The following APPL2 variants were observed in gnomAD, a reference collection of about 807,000 sequenced individuals.
APPL2 encodes the protein DCC-interacting protein 13-beta.
In APPL2, 84 loss-of-function variants were observed where a neutral mutation model predicts 92.7. That is an observed-to-expected ratio of 0.91 (90% CI 0.76 to 1.09). The LOEUF (loss-of-function observed/expected upper bound fraction) is 1.09, where lower values mean the gene tolerates loss of function less well. Among genes scored for constraint, APPL2 ranks in the 50% least tolerant of loss-of-function variants. APPL2 has a pLI of 0.00. For synonymous variants in APPL2, 291 were observed against 291.0 expected (o/e 1.00, Z 0.00); for missense variants, 736 against 824.5 (o/e 0.89, Z 1.31).
chr12:105,227,149 CTA>C (rs1890573864), intron 2 of APPL2, among the ~76,000 whole-genome samples: 1 of 151,428 alleles, frequency 6.6e-6, no homozygotes, highest in South Asian at 2.1e-4. Context: ...AAAAAAGACT[CTA>C]GTCCTTTTTT....
rs187430785 is a variant in APPL2 at position 105,174,078 on chromosome 12, C to G, written c.*236G>C. On this transcript the variant is annotated 3_prime_UTR_variant, in exon 21 of 21. Coordinates refer to ENST00000258530, the MANE Select transcript of APPL2 (RefSeq NM_018171.5). ...ACAATCTAAGAAATTTTAGCGCAAT[C>G]TAAGAAAAAAGACTTACCACAAAGC... 8.1e-4 allele frequency: 329 copies of G among 407,802 alleles called. No individual in the cohort carries two copies. Among genetic ancestry groups the G allele is most frequent in the Admixed American group, 1.3e-3 (28 of 22,190 alleles). 25.3% of individuals were successfully genotyped at this position (407,802 alleles called of 1,614,324 possible).
intron 5 of APPL2, among the ~76,000 whole-genome samples, chr12:105,209,365 A>C (rs950944345): frequency 3.3e-5 from 5 of 152,142 alleles, no homozygotes; most frequent in African/African-American, 1.2e-4. Context: ...AGATACTAAG[A>C]AGATTCCTTC....
chr12:105,184,658 C>A (rs1026625993), intron 17 of APPL2, among the ~76,000 whole-genome samples: 1 of 152,206 alleles, frequency 6.6e-6, no homozygotes, highest in African/African-American at 2.4e-5. Context: ...CACCAGATGC[C>A]AGCTGGAACT....
intron 17 of APPL2, among the ~76,000 whole-genome samples, chr12:105,183,558 T>C (rs979566510): frequency 7.9e-5 from 12 of 152,336 alleles, no homozygotes; most frequent in African/African-American, 2.2e-4. Context: ...TGAAAATTCT[T>C]TTCCTTAAGA....
intron 20 of APPL2, 54 bp downstream of exon 20, chr12:105,175,981 T>C: frequency 6.9e-7 from 1 of 1,447,932 alleles, no homozygotes; most frequent in Non-Finnish European, 9.3e-7. Context: ...TCTTGGTATG[T>C]GTACACAGAT....
chr12:105,214,267 A>G (rs1041974235), intron 4 of APPL2, among the ~76,000 whole-genome samples: 8 of 152,250 alleles, frequency 5.3e-5, no homozygotes, highest in Non-Finnish European at 1.2e-4. Flanking sequence ...ATTCCTGCCC[A>G]TGACAACGTG....
chr12:105,217,224 C>A, intron 3 of APPL2, 84 bp from the exon 4 acceptor site: 1 of 838,334 alleles, frequency 1.2e-6, no homozygotes, highest in Non-Finnish European at 1.9e-6. Flanking sequence ...ACACGACCCT[C>A]CACACCGACG....
intron 14 of APPL2, among the ~76,000 whole-genome samples, chr12:105,194,410 G>A (rs1320532103): frequency 2.6e-5 from 4 of 152,212 alleles, no homozygotes; most frequent in Non-Finnish European, 5.9e-5. Context: ...GGTAGAATGG[G>A]CCAGGCGCAG....
chr12:105,185,253 C>T (rs1886496848), intron 17 of APPL2, among the ~76,000 whole-genome samples: 1 of 152,214 alleles, frequency 6.6e-6, no homozygotes, highest in African/African-American at 2.4e-5. Context: ...AGCCCCCTTT[C>T]CAGGGGAGTG....
intron 4 of APPL2, among the ~76,000 whole-genome samples, chr12:105,213,441 C>G (rs1194580238): frequency 6.6e-6 from 1 of 152,216 alleles, no homozygotes. Flanking sequence ...GAGGACAAGA[C>G]AGTGACATGA....
chr12:105,217,230 C>T (rs528285954), intron 3 of APPL2, 90 bp from the exon 4 acceptor site: 13 of 788,408 alleles, frequency 1.6e-5, no homozygotes, highest in African/African-American at 1.4e-4. Flanking sequence ...CCCTCCACAC[C>T]GACGTCCTTT....
At chr12:105,188,586 G>T in intron 16 of APPL2, 139 bp from the exon 17 acceptor site, 1 of 731,114 alleles carries the variant, frequency 1.4e-6, no homozygotes, top group Non-Finnish European at 2.2e-6. Flanking sequence ...ACTTTTATAA[G>T]CCCAATATTG....
intron 5 of APPL2, among the ~76,000 whole-genome samples, chr12:105,209,333 A>G (rs2136015140): frequency 6.6e-6 from 1 of 152,250 alleles, no homozygotes; most frequent in Middle Eastern, 3.4e-3. Flanking sequence ...GGCATCAGAA[A>G]AGGATGTTTA....
intron 19 of APPL2, 61 bp from the exon 20 acceptor site, chr12:105,176,143 A>C: frequency 6.8e-7 from 1 of 1,465,924 alleles, no homozygotes; most frequent in Non-Finnish European, 9.4e-7. Flanking sequence ...TTTTAGAACA[A>C]ATGTGATTTG....
intron 16 of APPL2, among the ~76,000 whole-genome samples, chr12:105,188,706 A>G (rs1287047255): frequency 2.0e-5 from 3 of 152,274 alleles, no homozygotes; most frequent in Admixed American, 6.5e-5. Flanking sequence ...TGGTGGTACC[A>G]GATGAACATC....
At chr12:105,182,624 T>C (rs1377228452) in intron 17 of APPL2, among the ~76,000 whole-genome samples, 3 of 152,132 alleles carry the variant, frequency 2.0e-5, no homozygotes, top group Non-Finnish European at 4.4e-5. Flanking sequence ...TGAGAGACAG[T>C]TTGTTGTGAT....
chr12:105,197,748 A>T lies in APPL2; in HGVS notation c.1052+17T>A. ...ACTATACTCATTCTCCTCCCAAATA[A>T]AACGCGTGAAACATACGATTTTCCA... is the stretch of plus-strand genomic sequence containing the variant. On this transcript the variant is annotated intron_variant, in intron 11 of 20. Transcript: ENST00000258530. The T allele has an allele frequency of 1.9e-6, 3 of 1,614,088 alleles. No individual in the cohort carries two copies. Among genetic ancestry groups the T allele is most frequent in the Non-Finnish European group, 2.5e-6 (3 of 1,180,014 alleles).
intron 2 of APPL2, among the ~76,000 whole-genome samples, chr12:105,221,031 C>T (rs1294572295): frequency 6.6e-6 from 1 of 152,242 alleles, no homozygotes; most frequent in Non-Finnish European, 1.5e-5. Context: ...AGCCTGTCAC[C>T]TGCCCTGAAC....
intron 17 of APPL2, among the ~76,000 whole-genome samples, chr12:105,186,675 A>ATAT (rs1566056470): frequency 2.1e-5 from 2 of 94,520 alleles, no homozygotes; most frequent in Non-Finnish European, 4.5e-5. Context: ...CATATATATG[A>ATAT]TATATCATAT....
Sources: allele counts gnomAD v4.1 joint callset (sites outside exome capture counted in the v4.1 genomes callset), GRCh38; gene constraint gnomAD v4.1.1; transcripts MANE v1.5; gene names NCBI Gene and HGNC (gene_info 2026-07-23, HGNC 2026-07-21).